The following OPCML variants were observed in gnomAD, a reference collection of about 807,000 sequenced individuals.
The protein encoded by OPCML is opioid-binding protein/cell adhesion molecule.
A neutral mutation model predicts 37.8 loss-of-function variants in OPCML; 13 were observed. That is an observed-to-expected ratio of 0.34 (90% confidence interval 0.22 to 0.55). The LOEUF (loss-of-function observed/expected upper bound fraction) is 0.55, where lower values mean the gene tolerates loss of function less well. Among genes scored for constraint, OPCML ranks in the 20% least tolerant of loss-of-function variants. The pLI, the probability that OPCML is intolerant of heterozygous loss-of-function variation, is 0.91. For missense variants in OPCML, 341 were observed against 435.6 expected (o/e 0.78, Z 1.93); for synonymous variants, 176 against 168.8 (o/e 1.04, Z -0.33).
chr11:133,240,291 T>A (rs1013024459), intron 1 of OPCML, among the ~76,000 whole-genome samples: 39 of 151,302 alleles, frequency 2.6e-4, no homozygotes, highest in African/African-American at 9.5e-4. Flanking sequence ...AGGATATGTA[T>A]CCATAATGTT....
chr11:132,469,867 G>T (rs546051448), intron 4 of OPCML, among the ~76,000 whole-genome samples: 5 of 116,838 alleles, frequency 4.3e-5, no homozygotes, highest in Non-Finnish European at 9.1e-5. Context: ...ATGTGTGGGG[G>T]TGTGTATGTG....
At chr11:132,725,467 C>T (rs937978252) in intron 2 of OPCML, among the ~76,000 whole-genome samples, 4 of 152,102 alleles carry the variant, frequency 2.6e-5, no homozygotes, top group Admixed American at 2.0e-4. Context: ...GGGGCTACTG[C>T]GAAGATCTCT....
intron 4 of OPCML, among the ~76,000 whole-genome samples, chr11:132,467,767 G>A (rs1314124790): frequency 6.6e-6 from 1 of 152,114 alleles, no homozygotes; most frequent in African/African-American, 2.4e-5. Flanking sequence ...AAGAATTGTG[G>A]AGATCACAGC....
chr11:132,526,423 C>T (rs538690519), intron 4 of OPCML, among the ~76,000 whole-genome samples: 46 of 152,104 alleles, frequency 3.0e-4, no homozygotes, highest in Admixed American at 1.7e-3. Context: ...TTGAGTTTTG[C>T]GATATCCCTT....
chr11:133,318,325 G>C (rs1943251122), intron 1 of OPCML, among the ~76,000 whole-genome samples: 1 of 152,174 alleles, frequency 6.6e-6, no homozygotes, highest in Non-Finnish European at 1.5e-5. Flanking sequence ...AGTTTACGAA[G>C]AACTCCTCAC....
At chr11:133,121,204 C>T (rs1461025296) in intron 1 of OPCML, among the ~76,000 whole-genome samples, 1 of 152,172 alleles carries the variant, frequency 6.6e-6, no homozygotes, top group Non-Finnish European at 1.5e-5. Flanking sequence ...CAGGCATGAG[C>T]CACTGTTCTT....
intron 1 of OPCML, among the ~76,000 whole-genome samples, chr11:133,063,163 C>T (rs886081284): frequency 2.0e-5 from 3 of 152,344 alleles, no homozygotes; most frequent in Admixed American, 6.5e-5. Context: ...CTATCTCTTT[C>T]TAGGGGCTCC....
chr11:132,489,804 T>C (rs140803969), intron 4 of OPCML, among the ~76,000 whole-genome samples: 215 of 152,210 alleles, frequency 1.4e-3, no homozygotes, highest in Middle Eastern at 0.01. Flanking sequence ...AAGCCCCGCA[T>C]GCATTAGGTA....
rs548808148 is a variant in OPCML at position 133,223,899 on chromosome 11, G to C, written c.62-280889C>G. Among the ~76,000 whole-genome samples the C allele has an allele frequency of 6.6e-5, 10 of 152,264 alleles. No individual in the cohort carries two copies. In the South Asian group the frequency reaches 2.1e-3, roughly 32 times the overall value. ...ATTAGCATCTGAGTGTTAAGCCAGA[G>C]GAACTCAATCTGGGAACACCACCAA... On this transcript the variant is annotated intron_variant, in intron 1 of 7. Transcript: ENST00000524381.
chr11:132,524,694 G>A (rs1242682394), intron 4 of OPCML, among the ~76,000 whole-genome samples: 1 of 152,164 alleles, frequency 6.6e-6, no homozygotes, highest in South Asian at 2.1e-4. Context: ...AAAATGCCCA[G>A]GTTCTGGGAA....
intron 1 of OPCML, among the ~76,000 whole-genome samples, chr11:133,075,934 A>C (rs1948614593): frequency 6.6e-6 from 1 of 152,182 alleles, no homozygotes; most frequent in Non-Finnish European, 1.5e-5. Context: ...TTGAATGATA[A>C]ACCTAATACC....
At chr11:132,878,181 C>A (rs1382016383) in intron 2 of OPCML, among the ~76,000 whole-genome samples, 13 of 147,728 alleles carry the variant, frequency 8.8e-5, no homozygotes, top group African/African-American at 9.9e-5. Flanking sequence ...AATTCCATCT[C>A]AAAAAAAAAA....
chr11:133,289,317 C>T (rs984832471), intron 1 of OPCML, among the ~76,000 whole-genome samples: 7 of 152,082 alleles, frequency 4.6e-5, no homozygotes, highest in South Asian at 4.1e-4. Flanking sequence ...TATTAGTGGC[C>T]GGGCGCGGTG....
chr11:133,291,004 G>A lies in OPCML; in HGVS notation c.61+241260C>T, dbSNP rs568941318. On this transcript the variant is annotated intron_variant, in intron 1 of 7. Coordinates refer to ENST00000524381, the MANE Select transcript of OPCML (RefSeq NM_001012393.5). ...GATGCTCAGGTGAATATTATCAGCCGCAGGGATTTCTGGGAAAGAATATTT... is the reference window on the plus strand; with the variant it reads ...GATGCTCAGGTGAATATTATCAGCCACAGGGATTTCTGGGAAAGAATATTT... 1.6e-4 allele frequency among the ~76,000 whole-genome samples: 24 copies of A among 152,286 alleles called. 1 individual carries two copies. Among genetic ancestry groups the A allele is most frequent in the African/African-American group, 5.3e-4 (22 of 41,562 alleles).
intron 1 of OPCML, among the ~76,000 whole-genome samples, chr11:133,048,044 G>T (rs777602372): frequency 8.6e-4 from 130 of 152,042 alleles, no homozygotes; most frequent in Admixed American, 5.9e-4. Context: ...GCCCCACCCT[G>T]CCCAGACACT....
intron 3 of OPCML, among the ~76,000 whole-genome samples, chr11:132,594,626 G>T (rs531664136): frequency 1.3e-5 from 2 of 152,126 alleles, no homozygotes; most frequent in South Asian, 2.1e-4. Flanking sequence ...ATACCACATA[G>T]CTAGGTACAG....
intron 4 of OPCML, among the ~76,000 whole-genome samples, chr11:132,467,058 G>A (rs1565586309): frequency 6.6e-6 from 1 of 152,086 alleles, no homozygotes; most frequent in Non-Finnish European, 1.5e-5. Context: ...TAATAAAATC[G>A]AGCTGATGCA....
chr11:132,745,493 C>T (rs1020619852), intron 2 of OPCML, among the ~76,000 whole-genome samples: 29 of 149,392 alleles, frequency 1.9e-4, no homozygotes, highest in African/African-American at 6.9e-4. Context: ...TCCATGTAAC[C>T]TTTCTCCTCT....
At chr11:133,074,111 G>A (rs1948586309) in intron 1 of OPCML, among the ~76,000 whole-genome samples, 1 of 152,130 alleles carries the variant, frequency 6.6e-6, no homozygotes. Flanking sequence ...GAGCCCTTGG[G>A]GCCATACAGA....
Sources: allele counts gnomAD v4.1 joint callset (sites outside exome capture counted in the v4.1 genomes callset), GRCh38; gene constraint gnomAD v4.1.1; transcripts MANE v1.5; gene names NCBI Gene and HGNC (gene_info 2026-07-23, HGNC 2026-07-21).